Variants in FAM83B observed in about 807,000 individuals in gnomAD.
The protein encoded by FAM83B is protein FAM83B.
FAM83B carries 26 observed loss-of-function variants against 38.8 expected under a neutral mutation model. That is an observed-to-expected ratio of 0.67 (90% CI 0.49 to 0.93). The LOEUF (loss-of-function observed/expected upper bound fraction) is 0.93, where lower values mean the gene tolerates loss of function less well. Ranked by LOEUF, FAM83B falls within the 40% of genes least tolerant of loss-of-function variation. FAM83B has a pLI of 0.00. For missense variants in FAM83B, 1,237 were observed against 1,197.3 expected (o/e 1.03, Z -0.49); for synonymous variants, 419 against 423.1 (o/e 0.99, Z 0.12).
intron 2 of FAM83B, among the ~76,000 whole-genome samples, chr6:54,890,979 T>C (rs1399056722): frequency 1.3e-5 from 2 of 152,110 alleles, no homozygotes; most frequent in Non-Finnish European, 2.9e-5. Flanking sequence ...AGTTGTGATC[T>C]TGAGCCTCCT....
At chr6:54,854,073 A>T (rs1771381148) in intron 1 of FAM83B, among the ~76,000 whole-genome samples, 1 of 152,210 alleles carries the variant, frequency 6.6e-6, no homozygotes, top group Non-Finnish European at 1.5e-5. Flanking sequence ...TATTAATAGA[A>T]TTAGAAGAGG....
chr6:54,925,935 TA>T (rs1311916348), intron 2 of FAM83B, among the ~76,000 whole-genome samples: 2 of 152,220 alleles, frequency 1.3e-5, no homozygotes, highest in Non-Finnish European at 2.9e-5. Flanking sequence ...ATTTCTAGAA[TA>T]TTTTTTTCTC....
upstream of FAM83B, among the ~76,000 whole-genome samples, chr6:54,846,316 C>G (rs893877073): frequency 1.3e-5 from 2 of 152,176 alleles, no homozygotes; most frequent in Admixed American, 1.3e-4. Context: ...CCCGCGGCCC[C>G]CAGGCCTCTC....
chr6:54,944,944 G>T lies in FAM83B; in HGVS notation c.*2937G>T, dbSNP rs1773770088. 1.3e-5 allele frequency: 2 copies of T among 152,084 alleles called. No individual in the cohort carries two copies. Among genetic ancestry groups the T allele is most frequent in the Admixed American group, 6.6e-5 (1 of 15,258 alleles). The allele number at this position is 152,084 out of a possible 1,614,324, so 9.4% of individuals were successfully genotyped here. A position where few individuals can be genotyped will look rare whatever the true frequency, so the allele number is the denominator to read the frequency against. ...GGTTTTCACTAGTATGCCCAGTCTG[G>T]ACTCCAAGTCCTGGGCTCAAACGAT... is the stretch of plus-strand genomic sequence containing the variant. On this transcript the variant is annotated 3_prime_UTR_variant, in exon 5 of 5. Transcript: ENST00000306858.
At chr6:54,888,025 T>G (rs1178650725) in intron 2 of FAM83B, among the ~76,000 whole-genome samples, 3 of 150,932 alleles carry the variant, frequency 2.0e-5, no homozygotes, top group Non-Finnish European at 3.0e-5. Flanking sequence ...TTGTTTTTTT[T>G]TTTTTCTGTA....
At position 54,941,290 on chromosome 6, in the gene FAM83B, G is replaced by T; in HGVS notation, c.2319G>T (p.Gln773His). The T allele has an allele frequency of 6.2e-7, 1 of 1,610,824 alleles. No individual in the cohort carries two copies. Among genetic ancestry groups the T allele is most frequent in the Non-Finnish European group, 8.5e-7 (1 of 1,179,224 alleles). ...CAAGTTTTTTGAAAAAGGGGTCTCA[G>T]AAGTTAAGGTCATTACTTAGCCTTA... The part of the protein sequence containing the change: ...GSPSFLKKGS[Q>H]KLRSLLSLTP... The change falls in exon 5 of 5, where the codon CAG becomes CAT. Residue 773 changes from glutamine (Q) to histidine (H), a missense_variant. Gln to His is a conservative substitution (Grantham distance 24). Transcript: ENST00000306858.
chr6:54,939,845 G>C lies in FAM83B; in HGVS notation c.874G>C (p.Ala292Pro). The change falls in exon 5 of 5, where the codon GCA becomes CCA. Residue 292 changes from alanine to proline, a missense_variant. Physicochemically the swap from Ala to Pro is conservative, Grantham distance 27 (BLOSUM62 -1). Coordinates refer to ENST00000306858, the MANE Select transcript of FAM83B (RefSeq NM_001010872.3). ...TAGTTCATTTGCTCAGGAAGAATCAGCAAGGGTGAAGCATGGAAAAGCCCT... is the reference window on the plus strand; with the variant it reads ...TAGTTCATTTGCTCAGGAAGAATCACCAAGGGTGAAGCATGGAAAAGCCCT... ...VPSSFAQEES[A>P]RVKHGKALWE... 1 of 1,614,004 alleles carries C rather than the reference G, an allele frequency of 6.2e-7. No homozygotes were observed. The highest frequency in any genetic ancestry group is 2.2e-5 in the East Asian group (1 of 44,864).
At chr6:54,883,501 A>AT (rs1477650856) in intron 2 of FAM83B, among the ~76,000 whole-genome samples, 2 of 150,220 alleles carry the variant, frequency 1.3e-5, no homozygotes, top group Admixed American at 1.3e-4. Context: ...TGCCTGGCTA[A>AT]TTTTTTGTAT....
chr6:54,852,975 G>A (rs978046558), intron 1 of FAM83B, among the ~76,000 whole-genome samples: 3 of 151,576 alleles, frequency 2.0e-5, no homozygotes, highest in South Asian at 2.1e-4. Flanking sequence ...GGCTATTGTT[G>A]TTAGTGTATT....
At chr6:54,918,640 C>T (rs1773100305) in intron 2 of FAM83B, among the ~76,000 whole-genome samples, 1 of 152,044 alleles carries the variant, frequency 6.6e-6, no homozygotes, top group Non-Finnish European at 1.5e-5. Flanking sequence ...TAACCACCCC[C>T]ATGATTCAAT....
intron 2 of FAM83B, among the ~76,000 whole-genome samples, chr6:54,922,437 A>G (rs1773192293): frequency 6.6e-6 from 1 of 152,012 alleles, no homozygotes; most frequent in Non-Finnish European, 1.5e-5. Flanking sequence ...TAATGCCTAT[A>G]TATCATTACA....
At chr6:54,935,096 GT>G (rs1237460303) in intron 4 of FAM83B, among the ~76,000 whole-genome samples, 1 of 152,110 alleles carries the variant, frequency 6.6e-6, no homozygotes, top group Admixed American at 6.6e-5. Flanking sequence ...AACCTTTTAA[GT>G]TTTCCACCAA....
chr6:54,878,384 A>T (rs1772047138), intron 2 of FAM83B, among the ~76,000 whole-genome samples: 1 of 152,220 alleles, frequency 6.6e-6, no homozygotes, highest in Non-Finnish European at 1.5e-5. Flanking sequence ...AAGGAGTGCT[A>T]GCAGGAAGAA....
At chr6:54,846,279 T>G (rs1007952525), upstream of FAM83B, among the ~76,000 whole-genome samples, 2 of 152,124 alleles carry the variant, frequency 1.3e-5, no homozygotes, top group Non-Finnish European at 2.9e-5. Context: ...CCCCACACTC[T>G]CGAAGGTGCT....
chr6:54,895,000 T>G (rs1772498491), intron 2 of FAM83B, among the ~76,000 whole-genome samples: 1 of 152,180 alleles, frequency 6.6e-6, no homozygotes, highest in Non-Finnish European at 1.5e-5. Flanking sequence ...TATGTTCCCA[T>G]TGTTCACATA....
Position 54,940,764 on chromosome 6 carries a change from C to T in FAM83B, c.1793C>T (p.Ser598Leu). The T allele has an allele frequency of 6.2e-7, 1 of 1,614,006 alleles. No individual in the cohort carries two copies. Among genetic ancestry groups the T allele is most frequent in the Non-Finnish European group, 8.5e-7 (1 of 1,180,004 alleles). ...QHLTDKPLPESIPKLPLQSEA... is the reference protein window; with the variant it reads ...QHLTDKPLPELIPKLPLQSEA... ...TTGACAGACAAACCCTTGCCAGAAT[C>T]AATCCCCAAGCTCCCATTGCAGTCA... Residue 598 changes from serine (S) to leucine (L), a missense_variant, in exon 5 of 5, where the codon TCA (serine) becomes TTA (leucine). By Grantham distance (145) the Ser-to-Leu change is moderately radical. Coordinates refer to ENST00000306858, the MANE Select transcript of FAM83B (RefSeq NM_001010872.3).
At chr6:54,850,105 GATAATT>G (rs1323648631) in intron 1 of FAM83B, among the ~76,000 whole-genome samples, 15 of 152,144 alleles carry the variant, frequency 9.9e-5, no homozygotes, top group Non-Finnish European at 1.9e-4. Context: ...GGAACCTAAT[GATAATT>G]ATAAGTACAC....
intron 4 of FAM83B, among the ~76,000 whole-genome samples, chr6:54,935,901 A>T (rs1449319299): frequency 6.6e-6 from 1 of 152,026 alleles, no homozygotes; most frequent in African/African-American, 2.4e-5. Context: ...TGGCTGAGTC[A>T]CTCACTTAAG....
intron 1 of FAM83B, among the ~76,000 whole-genome samples, chr6:54,857,894 A>G (rs1056212701): frequency 6.6e-6 from 1 of 152,174 alleles, no homozygotes; most frequent in African/African-American, 2.4e-5. Flanking sequence ...TAGAAATGAA[A>G]AAAAAGGAGC....
Sources: allele counts gnomAD v4.1 joint callset (sites outside exome capture counted in the v4.1 genomes callset), GRCh38; gene constraint gnomAD v4.1.1; transcripts MANE v1.5; gene names NCBI Gene and HGNC (gene_info 2026-07-23, HGNC 2026-07-21).